Variants in TSHR observed in about 807,000 individuals in gnomAD.
TSHR encodes the protein thyroid stimulating hormone receptor.
TSHR carries 51 observed loss-of-function variants against 64.1 expected under a neutral mutation model. The ratio of observed to expected loss-of-function variants is 0.80; its 90% CI spans 0.64 to 1.01. The LOEUF is 1.01. Ranked by LOEUF, TSHR falls within the 50% of genes least tolerant of loss-of-function variation. The probability of loss-of-function intolerance (pLI) is 0.00; values close to 1 mark genes in which losing one functional copy is unlikely to be tolerated. For synonymous variants in TSHR, 361 were observed against 361.9 expected (o/e 1.00, Z 0.03); for missense variants, 877 against 942.8 (o/e 0.93, Z 0.91).
intron 9 of TSHR, among the ~76,000 whole-genome samples, 193 bp from the exon 10 acceptor site, chr14:81,142,747 C>T (rs1302056503): frequency 6.6e-6 from 1 of 151,682 alleles, no homozygotes; most frequent in African/African-American, 2.4e-5. Flanking sequence ...GTAGCTACGA[C>T]CATAGGCACA....
chr14:81,060,897 G>A (rs139240288), intron 1 of TSHR, among the ~76,000 whole-genome samples: 467 of 152,208 alleles, frequency 3.1e-3, no homozygotes, highest in African/African-American at 0.01. Context: ...ATAGTAAAGA[G>A]CGTAACTCAA....
intron 1 of TSHR, among the ~76,000 whole-genome samples, chr14:81,009,440 T>TTG (rs10666944): frequency 0.53 from 79,976 of 151,772 alleles, 24,180 homozygotes; most frequent in Non-Finnish European, 0.67. Flanking sequence ...AAAGTAATCA[T>TTG]TGTGTTTTTA....
intron 1 of TSHR, among the ~76,000 whole-genome samples, chr14:80,984,822 A>G (rs1400600749): frequency 1.3e-5 from 2 of 152,212 alleles, no homozygotes; most frequent in African/African-American, 4.8e-5. Context: ...TTCAGTGAGT[A>G]AGATGGAGAT....
intron 8 of TSHR, among the ~76,000 whole-genome samples, chr14:81,131,429 C>T (rs1284700354): frequency 6.6e-6 from 1 of 152,184 alleles, no homozygotes; most frequent in South Asian, 2.1e-4. Flanking sequence ...TATACCATTC[C>T]TCTGCAGCCT....
At chr14:81,028,682 A>G (rs1884198434) in intron 1 of TSHR, among the ~76,000 whole-genome samples, 1 of 152,152 alleles carries the variant, frequency 6.6e-6, no homozygotes, top group Non-Finnish European at 1.5e-5. Flanking sequence ...TTAGGCTTCA[A>G]ATGATTTCAA....
chr14:81,061,474 C>T (rs1037854697), intron 1 of TSHR, among the ~76,000 whole-genome samples: 3 of 151,984 alleles, frequency 2.0e-5, no homozygotes, highest in Non-Finnish European at 4.4e-5. Flanking sequence ...TAAAAAAGAA[C>T]AAGATTATGT....
At chr14:81,109,467 G>A (rs8017199) in intron 8 of TSHR, among the ~76,000 whole-genome samples, 2 of 152,128 alleles carry the variant, frequency 1.3e-5, no homozygotes, top group African/African-American at 2.4e-5. Context: ...ACACAGCACC[G>A]TAGAGATACA....
At chr14:81,091,645 T>C (rs759254466) in intron 5 of TSHR, among the ~76,000 whole-genome samples, 22 of 152,260 alleles carry the variant, frequency 1.4e-4, no homozygotes, top group Admixed American at 2.6e-4. Flanking sequence ...AATAGTTTTT[T>C]AAACACTTTC....
At chr14:80,996,609 C>A (rs1374384866) in intron 1 of TSHR, among the ~76,000 whole-genome samples, 7 of 152,046 alleles carry the variant, frequency 4.6e-5, no homozygotes, top group African/African-American at 1.2e-4. Flanking sequence ...TGGCAAGAAG[C>A]ACTGTTCGAG....
At chr14:80,961,208 T>C (rs12892567) in intron 1 of TSHR, among the ~76,000 whole-genome samples, 27,125 of 152,254 alleles carry the variant, frequency 0.18, 2,726 homozygotes, top group East Asian at 0.43. Flanking sequence ...TACTAAGGAC[T>C]AACTATATCC....
intron 1 of TSHR, among the ~76,000 whole-genome samples, chr14:80,999,910 C>CTACCAAA (rs1889217161): frequency 6.6e-6 from 1 of 150,490 alleles, no homozygotes; most frequent in African/African-American, 2.4e-5. Flanking sequence ...TTGGGGAAGA[C>CTACCAAA]TACCAAATTT....
At chr14:81,072,753 T>TAAAAA (rs1555376875) in intron 3 of TSHR, among the ~76,000 whole-genome samples, 1 of 149,658 alleles carries the variant, frequency 6.7e-6, no homozygotes, top group African/African-American at 2.5e-5. Flanking sequence ...AGTGAAAAGC[T>TAAAAA]TTGGGAGGCC....
chr14:81,139,910 GGA>G (rs1891614433), intron 9 of TSHR, 43 bp downstream of exon 9: 2 of 1,609,804 alleles, frequency 1.2e-6, no homozygotes, highest in African/African-American at 2.7e-5. Context: ...AGACCTTGGT[GGA>G]AGTGGAATTC....
intron 4 of TSHR, among the ~76,000 whole-genome samples, chr14:81,090,062 T>C (rs192231028): frequency 2.6e-5 from 4 of 151,756 alleles, no homozygotes; most frequent in Non-Finnish European, 5.9e-5. Context: ...AAAAAAAAAA[T>C]TCTAATTACA....
chr14:80,998,524 A>G (rs1434925988), intron 1 of TSHR, among the ~76,000 whole-genome samples: 3 of 151,968 alleles, frequency 2.0e-5, no homozygotes, highest in African/African-American at 7.2e-5. Flanking sequence ...ACTTATAAAG[A>G]TCAAGCAGAA....
chr14:81,128,169 G>T (rs1891092939), intron 8 of TSHR, among the ~76,000 whole-genome samples: 1 of 152,152 alleles, frequency 6.6e-6, no homozygotes, highest in South Asian at 2.1e-4. Context: ...TCAATTTTCT[G>T]AATAGTCAGA....
chr14:81,033,974 A>G (rs956283425), intron 1 of TSHR, among the ~76,000 whole-genome samples: 1 of 152,178 alleles, frequency 6.6e-6, no homozygotes, highest in African/African-American at 2.4e-5. Context: ...ACATTGTACC[A>G]ATAGTTAGTT....
chr14:80,973,428 A>AAAAAAAAAAAAAAAAAAAAAAAG (rs1276844641), intron 1 of TSHR, among the ~76,000 whole-genome samples: 1 of 145,138 alleles, frequency 6.9e-6, no homozygotes, highest in South Asian at 2.2e-4. Flanking sequence ...AAAAAAAAAA[A>AAAAAAAAAAAAAAAAAAAAAAAG]ATCTGTGTAC....
chr14:81,008,033 G>T (rs543773403), intron 1 of TSHR, among the ~76,000 whole-genome samples: 1 of 152,280 alleles, frequency 6.6e-6, no homozygotes, highest in Non-Finnish European at 1.5e-5. Flanking sequence ...CTTGTGGAGG[G>T]TTGGAGAGTA....
Sources: gnomAD v4.1 joint callset for allele counts (sites outside exome capture counted in the v4.1 genomes callset) on GRCh38, gnomAD v4.1.1 for gene constraint, MANE v1.5 for transcripts, NCBI Gene and HGNC (gene_info 2026-07-23, HGNC 2026-07-21) for gene names.